RASSF2: variants seen among roughly 807,000 people sequenced by gnomAD.
RASSF2 encodes ras association domain-containing protein 2.
RASSF2 carries 34 observed loss-of-function variants against 46.3 expected under a neutral mutation model. The observed-to-expected ratio is 0.73, with a 90% CI of 0.56 to 0.98. The LOEUF is 0.98. Among genes scored for constraint, RASSF2 ranks in the 50% least tolerant of loss-of-function variants. RASSF2 has a pLI of 0.00. For missense variants in RASSF2, 364 were observed against 431.2 expected, an observed-to-expected ratio of 0.84 and a Z score of 1.38; for synonymous variants, 158 against 162.5, an observed-to-expected ratio of 0.97 and a Z score of 0.21.
In RASSF2 at chr20:4,812,036, A is replaced by G. The variant is rs946615857; in HGVS notation, c.-33+10293T>C. Among the ~76,000 whole-genome samples the G allele has an allele frequency of 6.6e-6, 1 of 152,112 alleles. No individual in the cohort carries two copies. The highest frequency in any genetic ancestry group is 1.9e-4 in the East Asian group (1 of 5,180). On this transcript the variant is annotated intron_variant, in intron 2 of 11. Transcript: ENST00000379400. The surrounding 1 kb of genome is among the most constrained non-coding windows in gnomAD (Gnocchi z 4.0). The stretch of plus-strand genomic sequence containing the variant: ...TTCGGACCCCTTGTAGTGGGGCAGG[A>G]AGCGGTGTGGATGGCAAACAGGAAA...
chr20:4,818,231 C>T (rs982621732), intron 2 of RASSF2, among the ~76,000 whole-genome samples: 1 of 151,746 alleles, frequency 6.6e-6, no homozygotes, highest in African/African-American at 2.4e-5. Flanking sequence ...CGTGCCACTG[C>T]ATTCCAGCCT....
intron 2 of RASSF2, among the ~76,000 whole-genome samples, chr20:4,804,184 G>A (rs1927142954): frequency 6.6e-6 from 1 of 152,150 alleles, no homozygotes; most frequent in East Asian, 1.9e-4. Context: ...GACCCTACCA[G>A]TGTCCCCAAA....
Position 4,790,978 on chromosome 20 carries a change from G to A in RASSF2, c.377-367C>T, listed in dbSNP as rs1266749883. ...GTATACATAAAGCACTTAGAATAGTGCCTGGCACAGGATAAGCATGATATA... is the reference window on the plus strand; with the variant it reads ...GTATACATAAAGCACTTAGAATAGTACCTGGCACAGGATAAGCATGATATA... On this transcript the variant is annotated intron_variant, in intron 6 of 11. Coordinates refer to ENST00000379400, the MANE Select transcript of RASSF2 (RefSeq NM_014737.3). This position sits in a 1 kb window ranked among gnomAD's most constrained non-coding sequence, Gnocchi z 4.3. Among the ~76,000 whole-genome samples the A allele has an allele frequency of 6.6e-6, 1 of 152,152 alleles. No individual in the cohort carries two copies. Among genetic ancestry groups the A allele is most frequent in the Admixed American group, 6.6e-5 (1 of 15,266 alleles).
chr20:4,822,669 G>T (rs569996502), intron 1 of RASSF2, among the ~76,000 whole-genome samples: 9 of 152,382 alleles, frequency 5.9e-5, no homozygotes, highest in African/African-American at 2.2e-4. Context: ...GAAGACGCCA[G>T]GCTGAGGTCC....
intron 2 of RASSF2, among the ~76,000 whole-genome samples, chr20:4,805,933 C>T (rs1927307053): frequency 6.6e-6 from 1 of 152,174 alleles, no homozygotes; most frequent in South Asian, 2.1e-4. Context: ...GAGTTTCAGG[C>T]AGACCCATGG....
intron 2 of RASSF2, among the ~76,000 whole-genome samples, chr20:4,802,610 A>C (rs569181024): frequency 6.6e-6 from 1 of 152,262 alleles, no homozygotes; most frequent in Admixed American, 6.5e-5. Context: ...AGGTACCTAG[A>C]GTAGTCAAAA....
intron 3 of RASSF2, among the ~76,000 whole-genome samples, chr20:4,798,990 G>A (rs1353512418): frequency 6.6e-6 from 1 of 151,944 alleles, no homozygotes; most frequent in Non-Finnish European, 1.5e-5. Flanking sequence ...GGGAATTATA[G>A]GATATGTGCT....
rs59374366 is a variant in RASSF2, at chr20:4,802,897, C to T, written c.-32-1835G>A. On this transcript the variant is annotated intron_variant, in intron 2 of 11. Coordinates refer to ENST00000379400, the MANE Select transcript of RASSF2 (RefSeq NM_014737.3). ...ATGTGTGTGTGTATATATATATATA[C>T]ATATATATATATATATATTTTTTTT... Among the ~76,000 whole-genome samples, 828 of 126,944 alleles carry T rather than the reference C, an allele frequency of 6.5e-3. 7 individuals are homozygous for T. The highest frequency in any genetic ancestry group is 0.024 in the East Asian group (96 of 4,062). 83.3% of individuals were successfully genotyped at this position (126,944 alleles called of 152,430 possible). A position where few individuals can be genotyped will look rare whatever the true frequency, so the allele number is the denominator to read the frequency against.
intron 5 of RASSF2, among the ~76,000 whole-genome samples, chr20:4,793,706 C>T (rs1014453447): frequency 6.6e-6 from 1 of 151,762 alleles, no homozygotes; most frequent in Non-Finnish European, 1.5e-5. Context: ...GTCTTGAATT[C>T]CTGAGCTCAA....
At position 4,802,909 on chromosome 20, in the gene RASSF2, TATATA is replaced by T. The variant is rs757865666; in HGVS notation, c.-32-1852_-32-1848del. 4.9e-3 allele frequency among the ~76,000 whole-genome samples: 464 copies of T among 94,726 alleles called. 11 individuals carry two copies. Among genetic ancestry groups the T allele is most frequent in the Admixed American group, 0.041 (336 of 8,216 alleles). The allele number at this position is 94,726 out of a possible 152,430, so 62.1% of individuals were successfully genotyped here. A position where few individuals can be genotyped will look rare whatever the true frequency, so the allele number is the denominator to read the frequency against. ...ATATATATATATACATATATATATA[TATATA>T]TTTTTTTTTTTTGAGACAGAGACTC... On this transcript the variant is annotated intron_variant, in intron 2 of 11. Coordinates refer to ENST00000379400, the MANE Select transcript of RASSF2 (RefSeq NM_014737.3).
At chr20:4,789,525 G>A (rs762209926) in intron 8 of RASSF2, 71 bp downstream of exon 8, 19 of 1,327,088 alleles carry the variant, frequency 1.4e-5, no homozygotes, top group South Asian at 4.8e-5. Flanking sequence ...ATAGCTCCTC[G>A]CACAACCACT....
chr20:4,800,153 C>T (rs1297476825), intron 3 of RASSF2, among the ~76,000 whole-genome samples: 1 of 152,078 alleles, frequency 6.6e-6, no homozygotes, highest in East Asian at 1.9e-4. Context: ...GCTGGAACTT[C>T]CAATTCAAGG....
intron 2 of RASSF2, among the ~76,000 whole-genome samples, chr20:4,818,471 T>C (rs992773336): frequency 2.0e-5 from 3 of 152,164 alleles, no homozygotes; most frequent in Non-Finnish European, 2.9e-5. Context: ...CATGGCCCGA[T>C]GTGTGCTGGG....
intron 2 of RASSF2, among the ~76,000 whole-genome samples, 155 bp from the exon 3 acceptor site, chr20:4,801,217 G>T (rs778161052): frequency 6.6e-6 from 1 of 152,106 alleles, no homozygotes; most frequent in Non-Finnish European, 1.5e-5. Context: ...AGGCTGTGAG[G>T]GGCAACACTG....
intron 11 of RASSF2, among the ~76,000 whole-genome samples, chr20:4,785,155 C>CAAAAAAAAAAA (rs11454727): frequency 5.1e-4 from 47 of 92,304 alleles, no homozygotes; most frequent in African/African-American, 1.1e-3. Context: ...ACTAAAAATA[C>CAAAAAAAAAAA]AAAAAAAAAA....
chr20:4,812,430 C>T lies in RASSF2; in HGVS notation c.-33+9899G>A, dbSNP rs1927896128. 6.6e-6 allele frequency among the ~76,000 whole-genome samples: 1 copy of T among 152,206 alleles called. No homozygotes were observed. Among genetic ancestry groups the T allele is most frequent in the Non-Finnish European group, 1.5e-5 (1 of 68,036 alleles). On this transcript the variant is annotated intron_variant, in intron 2 of 11. Coordinates refer to ENST00000379400, the MANE Select transcript of RASSF2 (RefSeq NM_014737.3). This position sits in a 1 kb window ranked among gnomAD's most constrained non-coding sequence, Gnocchi z 4.0. ...GCTCAAATCCAGGGCGGTGCAGGTGCCAAGCGGAACCCCTGTAGACTACAG... is the reference window on the plus strand; with the variant it reads ...GCTCAAATCCAGGGCGGTGCAGGTGTCAAGCGGAACCCCTGTAGACTACAG...
chr20:4,805,361 C>T (rs1927261107), intron 2 of RASSF2, among the ~76,000 whole-genome samples: 2 of 151,812 alleles, frequency 1.3e-5, no homozygotes, highest in African/African-American at 2.4e-5. Context: ...GCACTGTGGA[C>T]GAAGATGGAG....
intron 10 of RASSF2, 92 bp downstream of exon 10, chr20:4,787,541 G>T (rs1222808553): frequency 2.6e-6 from 4 of 1,533,522 alleles, no homozygotes; most frequent in Non-Finnish European, 3.6e-6. Context: ...ATGGTCGTTG[G>T]TCAAAAAAGT....
At chr20:4,785,922 A>G (rs1925293228) in intron 11 of RASSF2, among the ~76,000 whole-genome samples, 1 of 152,106 alleles carries the variant, frequency 6.6e-6, no homozygotes, top group Non-Finnish European at 1.5e-5. Context: ...CACCTTCCCT[A>G]TTTCTGCATC....
Sources: allele counts gnomAD v4.1 joint callset (sites outside exome capture counted in the v4.1 genomes callset), GRCh38; gene constraint gnomAD v4.1.1; non-coding constraint Gnocchi (gnomAD v3.1); transcripts MANE v1.5; gene names NCBI Gene and HGNC (gene_info 2026-07-23, HGNC 2026-07-21).